Variants in NLGN1 observed in about 807,000 individuals in gnomAD.
NLGN1 encodes neuroligin-1.
A neutral mutation model predicts 65.5 loss-of-function variants in NLGN1; 12 were observed. The observed-to-expected ratio is 0.18, with a 90% CI of 0.12 to 0.30. The LOEUF (loss-of-function observed/expected upper bound fraction) is 0.30. Among genes scored for constraint, NLGN1 ranks in the 10% least tolerant of loss-of-function variants. The pLI, the probability that NLGN1 is intolerant of heterozygous loss-of-function variation, is 1.00. For synonymous variants in NLGN1, 350 were observed against 359.5 expected (o/e 0.97, Z 0.30); for missense variants, 750 against 1,007.1 (o/e 0.74, Z 3.46).
intron 2 of NLGN1, among the ~76,000 whole-genome samples, chr3:173,474,670 A>G (rs1725881701): frequency 6.6e-6 from 1 of 152,160 alleles, no homozygotes; most frequent in Non-Finnish European, 1.5e-5. Flanking sequence ...AAGAAATGGC[A>G]GAAGTTGGGC....
chr3:173,837,447 A>G (rs1011114881), intron 4 of NLGN1, among the ~76,000 whole-genome samples: 2 of 152,182 alleles, frequency 1.3e-5, no homozygotes, highest in African/African-American at 2.4e-5. Context: ...TTATGAGGCA[A>G]TCTGAATTTT....
At chr3:173,558,942 C>G (rs1742178622) in intron 2 of NLGN1, among the ~76,000 whole-genome samples, 1 of 151,744 alleles carries the variant, frequency 6.6e-6, no homozygotes, top group Non-Finnish European at 1.5e-5. Flanking sequence ...TTTTCTCTTC[C>G]TGGTGGTTAA....
chr3:173,425,956 A>G (rs909657135), intron 1 of NLGN1, among the ~76,000 whole-genome samples: 1 of 152,192 alleles, frequency 6.6e-6, no homozygotes, highest in African/African-American at 2.4e-5. Flanking sequence ...ATTTTTCTCC[A>G]GGAACATGAT....
intron 4 of NLGN1, among the ~76,000 whole-genome samples, chr3:173,923,443 T>C (rs985668202): frequency 3.3e-5 from 5 of 152,156 alleles, no homozygotes; most frequent in Admixed American, 2.6e-4. Flanking sequence ...GCTATTACAC[T>C]GTATTCCTTT....
At chr3:173,615,743 G>T (rs1385222047) in intron 3 of NLGN1, among the ~76,000 whole-genome samples, 4 of 141,524 alleles carry the variant, frequency 2.8e-5, no homozygotes, top group East Asian at 2.1e-4. Flanking sequence ...CCATCCATCT[G>T]TTTTTTTTTT....
At chr3:173,420,366 T>C (rs991530452) in intron 1 of NLGN1, among the ~76,000 whole-genome samples, 8 of 152,230 alleles carry the variant, frequency 5.3e-5, no homozygotes, top group Admixed American at 5.2e-4. Flanking sequence ...CTGAGAATGA[T>C]GGTTTCCAGC....
chr3:173,656,039 T>G (rs1290442099), intron 3 of NLGN1, among the ~76,000 whole-genome samples: 1 of 152,158 alleles, frequency 6.6e-6, no homozygotes, highest in Non-Finnish European at 1.5e-5. Flanking sequence ...TCAAGAGGTT[T>G]CCATTGGTTA....
chr3:174,133,179 A>G (rs1456970529), intron 4 of NLGN1, among the ~76,000 whole-genome samples: 2 of 152,234 alleles, frequency 1.3e-5, no homozygotes, highest in African/African-American at 4.8e-5. Flanking sequence ...TCATTTGGTC[A>G]GTAACATTAC....
At chr3:174,023,685 G>A (rs1328097828) in intron 4 of NLGN1, among the ~76,000 whole-genome samples, 1 of 152,088 alleles carries the variant, frequency 6.6e-6, no homozygotes, top group Non-Finnish European at 1.5e-5. Flanking sequence ...TTGGAGCGCT[G>A]TAATGTCTAT....
At chr3:173,713,656 T>C (rs1474599031) in intron 3 of NLGN1, among the ~76,000 whole-genome samples, 1 of 152,188 alleles carries the variant, frequency 6.6e-6, no homozygotes, top group Non-Finnish European at 1.5e-5. Context: ...ATTTAAACTT[T>C]GTATATTCTT....
intron 2 of NLGN1, among the ~76,000 whole-genome samples, chr3:173,505,287 C>A (rs1731825324): frequency 6.6e-6 from 1 of 152,092 alleles, no homozygotes; most frequent in Non-Finnish European, 1.5e-5. Flanking sequence ...GTCACTTTAA[C>A]CCCTACCTGG....
intron 2 of NLGN1, among the ~76,000 whole-genome samples, chr3:173,487,423 G>C (rs894513030): frequency 1.3e-5 from 2 of 151,802 alleles, no homozygotes; most frequent in African/African-American, 4.8e-5. Context: ...CCATGTGTTT[G>C]AAATAATATT....
At chr3:173,418,813 C>T (rs918478728) in intron 1 of NLGN1, among the ~76,000 whole-genome samples, 1 of 151,920 alleles carries the variant, frequency 6.6e-6, no homozygotes, top group Non-Finnish European at 1.5e-5. Context: ...TGAGTTTTTA[C>T]AATTACATGT....
chr3:173,589,738 T>A (rs1289277845), intron 2 of NLGN1, among the ~76,000 whole-genome samples: 1 of 152,208 alleles, frequency 6.6e-6, no homozygotes, highest in African/African-American at 2.4e-5. Context: ...GATATACTGT[T>A]TTTTATACCA....
Position 174,213,666 on chromosome 3 carries a change from T to C in NLGN1, c.647-61649T>C, listed in dbSNP as rs563542329. On this transcript the variant is annotated intron_variant, in intron 4 of 6. Coordinates refer to ENST00000457714, the Ensembl canonical transcript of NLGN1. Reference sequence around the variant, plus strand: ...CAATTTTTTAATCCATGGAAGAACCTGTACAAACAATTACATTGAAAAGAA... The same window carrying C: ...CAATTTTTTAATCCATGGAAGAACCCGTACAAACAATTACATTGAAAAGAA... Among the ~76,000 whole-genome samples the C allele has an allele frequency of 4.6e-4, 70 of 152,308 alleles. No homozygotes were observed. The South Asian group carries it at 7.7e-3, about 17-fold the overall frequency.
intron 3 of NLGN1, among the ~76,000 whole-genome samples, chr3:173,623,650 G>A (rs774159067): frequency 1.4e-4 from 22 of 152,158 alleles, no homozygotes; most frequent in African/African-American, 5.3e-4. Context: ...AGATTGATTG[G>A]GACATATTGT....
At chr3:173,780,985 A>C (rs1486834163) in intron 3 of NLGN1, among the ~76,000 whole-genome samples, 3 of 151,848 alleles carry the variant, frequency 2.0e-5, no homozygotes, top group Non-Finnish European at 4.4e-5. Context: ...AGTAAAAAAT[A>C]CAAAAAAAAT....
chr3:173,879,833 A>C (rs1732882211), intron 4 of NLGN1, among the ~76,000 whole-genome samples: 1 of 152,180 alleles, frequency 6.6e-6, no homozygotes, highest in Non-Finnish European at 1.5e-5. Flanking sequence ...TCTTTGAGAC[A>C]GTTGTTCCAA....
At chr3:173,576,476 G>T (rs954915960) in intron 2 of NLGN1, among the ~76,000 whole-genome samples, 10 of 152,170 alleles carry the variant, frequency 6.6e-5, no homozygotes, top group African/African-American at 2.4e-4. Context: ...CCGTTTTCTT[G>T]CCTAGAGACC....
Sources: allele counts gnomAD v4.1 joint callset (sites outside exome capture counted in the v4.1 genomes callset), GRCh38; gene constraint gnomAD v4.1.1; transcripts MANE v1.5; gene names NCBI Gene and HGNC (gene_info 2026-07-23, HGNC 2026-07-21).